PLAA: variants seen among roughly 807,000 people sequenced by gnomAD.
PLAA encodes phospholipase A2 activating protein, also known as phospholipase A-2-activating protein.
A neutral mutation model predicts 84.1 loss-of-function variants in PLAA; 48 were observed. That is an observed-to-expected ratio of 0.57 (90% CI 0.45 to 0.73). PLAA has a LOEUF of 0.73. Ranked by LOEUF, PLAA falls within the 30% of genes least tolerant of loss-of-function variation. The pLI is 0.00. For missense variants in PLAA, 903 were observed against 954.7 expected, an observed-to-expected ratio of 0.95 and a Z score of 0.71; for synonymous variants, 392 against 336.6, an observed-to-expected ratio of 1.16 and a Z score of -1.80.
At chr9:26,933,714 G>A (rs972372702) in intron 2 of PLAA, among the ~76,000 whole-genome samples, 17 of 150,828 alleles carry the variant, frequency 1.1e-4, no homozygotes, top group African/African-American at 3.4e-4. Flanking sequence ...GCGTGAGCCC[G>A]GGAGGCAGAG....
In PLAA at chr9:26,935,117, T is replaced by C. The variant is rs1563918389; in HGVS notation, c.239A>G (p.Tyr80Cys). 1.2e-6 allele frequency: 2 copies of C among 1,610,874 alleles called. No individual in the cohort carries two copies. The highest frequency in any genetic ancestry group is 4.5e-5 in the East Asian group (2 of 44,768). Reference protein sequence around the residue: ...CVCIIPSSDIYPHGLIATGGN... With the variant: ...CVCIIPSSDICPHGLIATGGN... ...ACCGGTGGCAATTAGGCCATGAGGG[T>C]AGATGTCACTTGAGGGTATGATGCA... The change falls in exon 2 of 14, where the codon TAC (tyrosine) becomes TGC (cysteine). Residue 80 changes from tyrosine to cysteine, a missense_variant. Transcript: ENST00000397292.
At chr9:26,921,561 A>T (rs1161113861) in intron 7 of PLAA, among the ~76,000 whole-genome samples, 2 of 152,256 alleles carry the variant, frequency 1.3e-5, no homozygotes, top group African/African-American at 2.4e-5. Context: ...GTAGTTGAAA[A>T]AGAGAAGACA....
At position 26,923,163 on chromosome 9, in the gene PLAA, C is replaced by A; in HGVS notation, c.1039+15G>T. 1 of 1,544,928 alleles carries A rather than the reference C, an allele frequency of 6.5e-7. No individual in the cohort carries two copies. Among genetic ancestry groups the A allele is most frequent in the Non-Finnish European group, 8.8e-7 (1 of 1,138,600 alleles). On this transcript the variant is annotated intron_variant, in intron 7 of 13. Coordinates refer to ENST00000397292, the MANE Select transcript of PLAA (RefSeq NM_001031689.3). ...TATGGTGAATTTTTTCTACTAGGTA[C>A]AATAAAATACTTACCAGGTTCATTA...
intron 10 of PLAA, among the ~76,000 whole-genome samples, chr9:26,914,312 A>G (rs1448755392): frequency 6.6e-6 from 1 of 152,180 alleles, no homozygotes; most frequent in African/African-American, 2.4e-5. Context: ...CTCAGGTAAG[A>G]GTTAGAGATA....
intron 11 of PLAA, 98 bp from the exon 12 acceptor site, chr9:26,910,537 C>G (rs1824367983): frequency 2.4e-6 from 2 of 831,026 alleles, no homozygotes; most frequent in Admixed American, 2.1e-5. Flanking sequence ...TTGAGATATG[C>G]AACTATTCAG....
intron 9 of PLAA, among the ~76,000 whole-genome samples, chr9:26,917,414 T>C (rs1036805720): frequency 2.2e-4 from 34 of 152,226 alleles, no homozygotes; most frequent in African/African-American, 8.2e-4. Flanking sequence ...CACTTAAATA[T>C]TAAAACTTAA....
At chr9:26,927,109 G>C (rs1824995450) in intron 4 of PLAA, among the ~76,000 whole-genome samples, 1 of 137,662 alleles carries the variant, frequency 7.3e-6, no homozygotes, top group African/African-American at 2.8e-5. Flanking sequence ...TCCATCAAAA[G>C]ATACTTTTTT....
chr9:26,922,415 G>A (rs1033265236), intron 7 of PLAA, among the ~76,000 whole-genome samples: 6 of 151,698 alleles, frequency 4.0e-5, no homozygotes, highest in African/African-American at 1.5e-4. Context: ...TGCACCATAA[G>A]TGCAAACATT....
chr9:26,922,276 G>GTTTTTATT (rs1394492311), intron 7 of PLAA, among the ~76,000 whole-genome samples: 1 of 147,130 alleles, frequency 6.8e-6, no homozygotes, highest in Non-Finnish European at 1.5e-5. Context: ...GTTTTTTTTT[G>GTTTTTATT]TTTTTATTGT....
chr9:26,937,397 TAAC>T (rs1825394134), intron 1 of PLAA, among the ~76,000 whole-genome samples: 1 of 151,832 alleles, frequency 6.6e-6, no homozygotes, highest in African/African-American at 2.4e-5. Context: ...CACAAAAACA[TAAC>T]AAAAAACAGC....
chr9:26,943,507 T>G (rs903820588), intron 1 of PLAA, among the ~76,000 whole-genome samples: 1 of 152,174 alleles, frequency 6.6e-6, no homozygotes, highest in South Asian at 2.1e-4. Context: ...GGCAATTCAG[T>G]AATGAACAAA....
chr9:26,936,716 T>C (rs937785805), intron 1 of PLAA, among the ~76,000 whole-genome samples: 5 of 142,678 alleles, frequency 3.5e-5, no homozygotes, highest in African/African-American at 1.2e-4. Context: ...AGAGATCTGT[T>C]CTCTGATCAC....
chr9:26,921,621 C>T (rs775165644), intron 7 of PLAA, among the ~76,000 whole-genome samples: 42 of 152,198 alleles, frequency 2.8e-4, no homozygotes, highest in Non-Finnish European at 5.1e-4. Context: ...TTTTTAAACG[C>T]TACAGTGTAC....
In PLAA at chr9:26,919,331, T is replaced by C. The variant is rs1452858377; in HGVS notation, c.1396A>G (p.Ser466Gly). The C allele has an allele frequency of 1.4e-5, 22 of 1,610,054 alleles. No homozygotes were observed. The highest frequency in any genetic ancestry group is 3.3e-5 in the South Asian group (3 of 90,892). Reference sequence around the variant, plus strand: ...TTACCTGTAAATGGATCTGAAAAGCTGGGATTCCCAAGTCCCAACATTTGA... The same window carrying C: ...TTACCTGTAAATGGATCTGAAAAGCCGGGATTCCCAAGTCCCAACATTTGA... ...KGQMLGLGNP[S>G]FSDPFTGGGR... The change falls in exon 9 of 14, where the codon AGC becomes GGC. Residue 466 changes from serine (S) to glycine (G), a missense_variant. By Grantham distance (56) the Ser-to-Gly change is moderately conservative. Coordinates refer to ENST00000397292, the MANE Select transcript of PLAA (RefSeq NM_001031689.3).
chr9:26,939,339 G>T (rs188378558), intron 1 of PLAA, among the ~76,000 whole-genome samples: 1 of 151,922 alleles, frequency 6.6e-6, no homozygotes, highest in Non-Finnish European at 1.5e-5. Context: ...AGTGAGCCGA[G>T]ATTGCGCCAC....
rs979625750 is a variant in PLAA at position 26,933,752 on chromosome 9, G to A, written c.343+1261C>T. Reference sequence around the variant, plus strand: ...TGCAGTGAGCCGAGATCACGCCACTGCATTCCAGCCTGGGCGACAGAGCGA... The same window carrying A: ...TGCAGTGAGCCGAGATCACGCCACTACATTCCAGCCTGGGCGACAGAGCGA... On this transcript the variant is annotated intron_variant, in intron 2 of 13. Coordinates refer to ENST00000397292, the MANE Select transcript of PLAA (RefSeq NM_001031689.3). Among the ~76,000 whole-genome samples the A allele has an allele frequency of 1.0e-4, 14 of 137,606 alleles. No individual in the cohort carries two copies. The East Asian group carries it at 2.7e-3, about 26-fold the overall frequency. 90.3% of individuals were successfully genotyped at this position (137,606 alleles called of 152,430 possible).
At chr9:26,933,795 A>G (rs1285906062) in intron 2 of PLAA, among the ~76,000 whole-genome samples, 8 of 123,824 alleles carry the variant, frequency 6.5e-5, no homozygotes, top group Non-Finnish European at 6.4e-5. Flanking sequence ...CCTCAAAAAA[A>G]AAAAAAAAAA....
At chr9:26,910,493 T>C (rs765771601) in intron 11 of PLAA, 54 bp from the exon 12 acceptor site, 64 of 1,350,424 alleles carry the variant, frequency 4.7e-5, no homozygotes, top group Non-Finnish European at 6.3e-5. Flanking sequence ...AAAAATGAGA[T>C]TTTTCTAACT....
chr9:26,932,145 C>A (rs1392162028), intron 2 of PLAA, among the ~76,000 whole-genome samples: 6 of 152,046 alleles, frequency 3.9e-5, no homozygotes, highest in African/African-American at 1.5e-4. Context: ...TTATTTGGGT[C>A]AGAATTCAAA....
Sources: gnomAD v4.1 joint callset for allele counts (sites outside exome capture counted in the v4.1 genomes callset) on GRCh38, gnomAD v4.1.1 for gene constraint, MANE v1.5 for transcripts, NCBI Gene and HGNC (gene_info 2026-07-23, HGNC 2026-07-21) for gene names.